The following STK33 variants were observed in gnomAD, a reference collection of about 807,000 sequenced individuals.
The protein encoded by STK33 is serine/threonine-protein kinase 33.
STK33 carries 52 observed loss-of-function variants against 58.0 expected under a neutral mutation model. The ratio of observed to expected loss-of-function variants is 0.90; its 90% CI spans 0.72 to 1.13. The LOEUF (loss-of-function observed/expected upper bound fraction) is 1.13. Ranked by LOEUF, STK33 falls within the 50% of genes most tolerant of loss-of-function variation. The pLI, the probability that STK33 is intolerant of heterozygous loss-of-function variation, is 0.00. For missense variants in STK33, 630 were observed against 604.2 expected (o/e 1.04, Z -0.45); for synonymous variants, 215 against 200.1 (o/e 1.07, Z -0.63).
intron 1 of STK33, among the ~76,000 whole-genome samples, chr11:8,541,387 T>C (rs572101475): frequency 6.6e-6 from 1 of 152,314 alleles, no homozygotes; most frequent in South Asian, 2.1e-4. Flanking sequence ...TCAGTAGCTA[T>C]TGTCCAGGTA....
intron 1 of STK33, among the ~76,000 whole-genome samples, chr11:8,515,640 C>G (rs1297817889): frequency 6.6e-6 from 1 of 152,158 alleles, no homozygotes; most frequent in African/African-American, 2.4e-5. Context: ...AAACCATGAC[C>G]AAGTAAGACT....
At chr11:8,362,026 A>G in the STK33 span, among the ~76,000 whole-genome samples, 998 of 152,266 alleles carry the variant, frequency 6.6e-3, 5 homozygotes, top group Non-Finnish European at 9.8e-3. Context: ...AGTTTGGAAC[A>G]AGTCTGTGCC....
intron 10 of STK33, 142 bp downstream of exon 10, chr11:8,454,602 T>C: frequency 1.0e-6 from 1 of 998,510 alleles, no homozygotes; most frequent in Non-Finnish European, 1.4e-6. Flanking sequence ...CAACCTCTTG[T>C]GAAATTTTTA....
chr11:8,497,234 C>G (rs1179456918), intron 1 of STK33, among the ~76,000 whole-genome samples: 7 of 152,086 alleles, frequency 4.6e-5, no homozygotes, highest in African/African-American at 1.7e-4. Context: ...AAACATTAGT[C>G]TGCACATCCA....
downstream of STK33, among the ~76,000 whole-genome samples, chr11:8,387,541 G>A (rs1009052875): frequency 1.4e-4 from 22 of 152,288 alleles, no homozygotes; most frequent in South Asian, 4.1e-4. Flanking sequence ...TACACGTAAC[G>A]TGCTTAGAAT....
intron 6 of STK33, among the ~76,000 whole-genome samples, chr11:8,471,076 T>C (rs977093802): frequency 6.6e-6 from 1 of 152,178 alleles, no homozygotes; most frequent in Non-Finnish European, 1.5e-5. Flanking sequence ...TATGATGAAG[T>C]ATGCCTATAT....
chr11:8,413,157 CATTT>C lies in STK33; in HGVS notation c.1344+334_1344+337del, dbSNP rs1354978569. Among the ~76,000 whole-genome samples the C allele has an allele frequency of 2.0e-5, 3 of 152,124 alleles. No homozygotes were observed. In the East Asian group the frequency reaches 5.8e-4, roughly 29 times the overall value. On this transcript the variant is annotated intron_variant, in intron 15 of 15. Coordinates refer to ENST00000687296, the MANE Select transcript of STK33 (RefSeq NM_001352389.2). ...GAGTTGGAACATGGCCACACTCATTCATTTGTTGTCTATGGCTGTTTTCACGCTA... is the reference window on the plus strand; with the variant it reads ...GAGTTGGAACATGGCCACACTCATTCGTTGTCTATGGCTGTTTTCACGCTA...
At chr11:8,350,430 T>C in the STK33 span, among the ~76,000 whole-genome samples, 4 of 152,326 alleles carry the variant, frequency 2.6e-5, no homozygotes, top group South Asian at 8.3e-4. Context: ...CTAAGCCAGC[T>C]GAGAAGCATC....
At chr11:8,519,862 AC>A (rs1953222960) in intron 1 of STK33, among the ~76,000 whole-genome samples, 1 of 152,214 alleles carries the variant, frequency 6.6e-6, no homozygotes, top group African/African-American at 2.4e-5. Flanking sequence ...TAGCCTACCA[AC>A]CAAAAAAAGT....
At chr11:8,462,613 A>G (rs917456461) in intron 7 of STK33, among the ~76,000 whole-genome samples, 4 of 151,526 alleles carry the variant, frequency 2.6e-5, no homozygotes, top group African/African-American at 9.7e-5. Flanking sequence ...CAGACAGACA[A>G]AGAGAGACAG....
At chr11:8,426,952 C>T (rs1416791148) in intron 14 of STK33, among the ~76,000 whole-genome samples, 1 of 152,158 alleles carries the variant, frequency 6.6e-6, no homozygotes, top group Non-Finnish European at 1.5e-5. Flanking sequence ...TCCCAGTGCT[C>T]CTCATGTGGA....
At chr11:8,379,092 T>C in the STK33 span, among the ~76,000 whole-genome samples, 2 of 152,144 alleles carry the variant, frequency 1.3e-5, no homozygotes, top group Non-Finnish European at 2.9e-5. Context: ...GCTAGCCATA[T>C]GTAGAACAAT....
chr11:8,392,203 A>C lies in STK33; in HGVS notation c.*307T>G. ...TAAGAATTTGAAGTAAAAATGAGCA[A>C]GTGTGCCCACAGCCTTAAATTGAAG... is the stretch of plus-strand genomic sequence containing the variant. On this transcript the variant is annotated 3_prime_UTR_variant, in exon 16 of 16. Coordinates refer to ENST00000687296, the MANE Select transcript of STK33 (RefSeq NM_001352389.2). 2.9e-6 allele frequency: 1 copy of C among 347,358 alleles called. No individual in the cohort carries two copies. Among genetic ancestry groups the C allele is most frequent in the Non-Finnish European group, 5.2e-6 (1 of 191,632 alleles). The allele number at this position is 347,358 out of a possible 1,614,324, so 21.5% of individuals were successfully genotyped here. A position where few individuals can be genotyped will look rare whatever the true frequency, so the allele number is the denominator to read the frequency against.
At chr11:8,407,457 T>C (rs934552795) in intron 15 of STK33, among the ~76,000 whole-genome samples, 2 of 152,086 alleles carry the variant, frequency 1.3e-5, no homozygotes, top group Admixed American at 6.5e-5. Flanking sequence ...AGTGAAATCA[T>C]TTGGGAATAA....
chr11:8,370,456 A>G, the STK33 span, among the ~76,000 whole-genome samples: 1 of 152,108 alleles, frequency 6.6e-6, no homozygotes, highest in East Asian at 1.9e-4. Flanking sequence ...CCTTGCCTCC[A>G]AAAATGCTGA....
intron 1 of STK33, among the ~76,000 whole-genome samples, chr11:8,591,630 C>A (rs2032606888): frequency 1.3e-5 from 2 of 152,074 alleles, no homozygotes; most frequent in South Asian, 2.1e-4. Context: ...CGCAATGTCT[C>A]TGCAAAAAAA....
chr11:8,498,214 A>G (rs1951211881), intron 1 of STK33, among the ~76,000 whole-genome samples: 1 of 152,212 alleles, frequency 6.6e-6, no homozygotes, highest in Non-Finnish European at 1.5e-5. Context: ...AAAAGCACTC[A>G]GCAAACAAGT....
chr11:8,449,746 T>A (rs1387608215), intron 11 of STK33, among the ~76,000 whole-genome samples: 1 of 152,166 alleles, frequency 6.6e-6, no homozygotes, highest in South Asian at 2.1e-4. Context: ...AACCTGCACG[T>A]TGTGCACATG....
Position 8,406,308 on chromosome 11 carries a change from G to A in STK33, c.1344+7187C>T, listed in dbSNP as rs188190199. Among the ~76,000 whole-genome samples, 541 of 152,216 alleles carry A rather than the reference G, an allele frequency of 3.6e-3. 3 individuals are homozygous for A. The highest frequency in any genetic ancestry group is 0.012 in the African/African-American group (516 of 41,526). Reference sequence around the variant, plus strand: ...TAAATGTTGACATCAAGTCATATAAGTCTTGCAACTTTGTTCTTTTTAGGT... The same window carrying A: ...TAAATGTTGACATCAAGTCATATAAATCTTGCAACTTTGTTCTTTTTAGGT... On this transcript the variant is annotated intron_variant, in intron 15 of 15. Coordinates refer to ENST00000687296, the MANE Select transcript of STK33 (RefSeq NM_001352389.2).
Sources: allele counts gnomAD v4.1 joint callset (sites outside exome capture counted in the v4.1 genomes callset), GRCh38; gene constraint gnomAD v4.1.1; transcripts MANE v1.5; gene names NCBI Gene and HGNC (gene_info 2026-07-23, HGNC 2026-07-21).